Variants in CEP85L observed in about 807,000 individuals in gnomAD.
The protein encoded by CEP85L is centrosomal protein 85L, also known as centrosomal protein of 85 kDa-like.
A neutral mutation model predicts 100.3 loss-of-function variants in CEP85L; 60 were observed. The ratio of observed to expected loss-of-function variants is 0.60; its 90% CI spans 0.49 to 0.74. The LOEUF (loss-of-function observed/expected upper bound fraction) is 0.74. Among genes scored for constraint, CEP85L ranks in the 30% least tolerant of loss-of-function variants. CEP85L has a pLI of 0.00. For synonymous variants in CEP85L, 319 were observed against 322.7 expected (o/e 0.99, Z 0.12); for missense variants, 973 against 936.2 (o/e 1.04, Z -0.51).
chr6:118,490,504 G>A (rs1322812185), intron 6 of CEP85L, among the ~76,000 whole-genome samples: 1 of 152,210 alleles, frequency 6.6e-6, no homozygotes, highest in Non-Finnish European at 1.5e-5. Flanking sequence ...CTAGTAGTGG[G>A]AGTATTAAAT....
intron 4 of CEP85L, among the ~76,000 whole-genome samples, chr6:118,515,737 AAAGAAG>A (rs765788800): frequency 1.7e-4 from 26 of 152,194 alleles, no homozygotes; most frequent in Non-Finnish European, 7.3e-5. Context: ...AGATATTGAT[AAAGAAG>A]AACTTAGAAA....
chr6:118,505,569 A>C (rs946754384), intron 5 of CEP85L, among the ~76,000 whole-genome samples: 2 of 152,158 alleles, frequency 1.3e-5, no homozygotes, highest in African/African-American at 4.8e-5. Flanking sequence ...TGAACTATCA[A>C]GCCATGAAAA....
Position 118,465,465 on chromosome 6 carries a change from T to G in CEP85L, c.2358A>C (p.Leu786Phe). The G allele has an allele frequency of 1.2e-6, 2 of 1,613,628 alleles. No individual in the cohort carries two copies. ...VCQLRRDIDE[L>F]RTTISDRYAQ... is the part of the protein sequence containing the mutation. ...CATAGCGGTCTGATATTGTAGTCCT[T>G]AATTCATCAATGTCTCTTCGTAACT... The change falls in exon 13 of 13, where the codon TTA becomes TTC. Residue 786 changes from leucine (L) to phenylalanine (F), a missense_variant. By Grantham distance (22) the Leu-to-Phe change is conservative. Coordinates refer to ENST00000368491, the MANE Select transcript of CEP85L (RefSeq NM_001042475.3).
At chr6:118,532,832 A>G (rs938779645) in intron 3 of CEP85L, among the ~76,000 whole-genome samples, 8 of 152,180 alleles carry the variant, frequency 5.3e-5, no homozygotes, top group African/African-American at 1.9e-4. Flanking sequence ...CATGTTATAA[A>G]TTGACAGTAT....
At chr6:118,485,107 A>G (rs953904764) in intron 6 of CEP85L, among the ~76,000 whole-genome samples, 15 of 151,996 alleles carry the variant, frequency 9.9e-5, no homozygotes, top group African/African-American at 3.6e-4. Flanking sequence ...TGTACTTTTT[A>G]CCCCCTACTA....
At chr6:118,525,505 T>C (rs1294997605) in intron 3 of CEP85L, among the ~76,000 whole-genome samples, 1 of 152,162 alleles carries the variant, frequency 6.6e-6, no homozygotes, top group Non-Finnish European at 1.5e-5. Context: ...AGGGGAAATT[T>C]TGGACCTACG....
At chr6:118,615,881 T>C (rs1773005620) in intron 2 of CEP85L, among the ~76,000 whole-genome samples, 2 of 152,210 alleles carry the variant, frequency 1.3e-5, no homozygotes, top group African/African-American at 4.8e-5. Flanking sequence ...AGAACGACTA[T>C]AAATTTGGGT....
At chr6:118,476,212 C>T (rs1301653271) in intron 10 of CEP85L, among the ~76,000 whole-genome samples, 2 of 151,850 alleles carry the variant, frequency 1.3e-5, no homozygotes, top group Non-Finnish European at 1.5e-5. Context: ...GCAACTATAA[C>T]ATGCATACAA....
At chr6:118,590,036 T>C (rs1278479544) in intron 2 of CEP85L, among the ~76,000 whole-genome samples, 1 of 151,746 alleles carries the variant, frequency 6.6e-6, no homozygotes, top group African/African-American at 2.4e-5. Flanking sequence ...ATTTTTTTTC[T>C]CTGCATTTAC....
chr6:118,618,605 A>G (rs369599349), intron 2 of CEP85L, among the ~76,000 whole-genome samples: 1 of 152,144 alleles, frequency 6.6e-6, no homozygotes, highest in South Asian at 2.1e-4. Context: ...CAACCATTCA[A>G]TCATGGATAT....
intron 10 of CEP85L, among the ~76,000 whole-genome samples, chr6:118,471,754 A>T (rs896026789): frequency 4.7e-5 from 7 of 149,002 alleles, no homozygotes; most frequent in African/African-American, 1.7e-4. Flanking sequence ...GTTGTTTTAT[A>T]TTCCACAAAA....
chr6:118,503,008 C>G (rs577891561), intron 5 of CEP85L: 3 of 242,386 alleles, frequency 1.2e-5, no homozygotes, highest in Non-Finnish European at 2.5e-5. Flanking sequence ...CACAAGATAT[C>G]AAATATTTGT....
intron 11 of CEP85L, among the ~76,000 whole-genome samples, chr6:118,470,128 GA>G (rs145365888): frequency 1.3e-5 from 2 of 151,476 alleles, no homozygotes; most frequent in Non-Finnish European, 2.9e-5. Context: ...CAAAGAAGAA[GA>G]AAAAAAGAAA....
chr6:118,601,369 A>AT (rs1781779808), intron 2 of CEP85L, among the ~76,000 whole-genome samples: 1 of 152,220 alleles, frequency 6.6e-6, no homozygotes, highest in Admixed American at 6.5e-5. Context: ...GGGCAATTTT[A>AT]TTGGTAAAGA....
At chr6:118,554,970 G>A (rs1452850877) in intron 3 of CEP85L, among the ~76,000 whole-genome samples, 2 of 152,094 alleles carry the variant, frequency 1.3e-5, no homozygotes, top group Non-Finnish European at 1.5e-5. Context: ...TAAACTCCTG[G>A]CCAACTCCCT....
At chr6:118,552,685 C>T (rs539821223) in intron 3 of CEP85L, among the ~76,000 whole-genome samples, 2 of 150,986 alleles carry the variant, frequency 1.3e-5, no homozygotes, top group African/African-American at 2.4e-5. Context: ...TCCAGCGTTA[C>T]TTTTCTTGAG....
chr6:118,492,058 C>A (rs533096357), intron 5 of CEP85L, among the ~76,000 whole-genome samples, 193 bp from the exon 6 acceptor site: 1 of 152,036 alleles, frequency 6.6e-6, no homozygotes, highest in Middle Eastern at 3.2e-3. Context: ...TTCTCAAAAC[C>A]CTGGTTTTCT....
chr6:118,479,462 C>T (rs554411121), intron 10 of CEP85L, among the ~76,000 whole-genome samples: 128 of 152,208 alleles, frequency 8.4e-4, no homozygotes, highest in Middle Eastern at 3.4e-3. Flanking sequence ...TGGATGTCTT[C>T]GTTCAGATCC....
chr6:118,558,353 T>C (rs1583044801), intron 3 of CEP85L, among the ~76,000 whole-genome samples: 1 of 152,312 alleles, frequency 6.6e-6, no homozygotes, highest in East Asian at 1.9e-4. Context: ...AGTTTGGTGA[T>C]GTTTTTGTGA....
Sources: allele counts gnomAD v4.1 joint callset (sites outside exome capture counted in the v4.1 genomes callset), GRCh38; gene constraint gnomAD v4.1.1; transcripts MANE v1.5; gene names NCBI Gene and HGNC (gene_info 2026-07-23, HGNC 2026-07-21).